The following SVOPL variants were observed in gnomAD, a reference collection of about 807,000 sequenced individuals.
SVOPL encodes the protein SVOP like.
Under a neutral mutation model 61.0 loss-of-function variants are expected in SVOPL, and 60 were observed. The ratio of observed to expected loss-of-function variants is 0.98; its 90% CI spans 0.80 to 1.22. The LOEUF is 1.22. SVOPL is among the 50% of genes most tolerant of loss of function. The pLI, the probability that SVOPL is intolerant of heterozygous loss-of-function variation, is 0.00. For missense variants in SVOPL, 662 were observed against 643.9 expected (o/e 1.03, Z -0.30); for synonymous variants, 279 against 250.0 (o/e 1.12, Z -1.09).
chr7:138,654,038 C>T (rs986622773), intron 7 of SVOPL, among the ~76,000 whole-genome samples: 4 of 150,880 alleles, frequency 2.7e-5, no homozygotes, highest in Admixed American at 1.3e-4. Context: ...GAGGCTGAGG[C>T]GTGAGAATCT....
At chr7:138,630,005 A>T (rs1294026290) in intron 10 of SVOPL, 44 bp downstream of exon 10, 14 of 1,524,044 alleles carry the variant, frequency 9.2e-6, no homozygotes, top group African/African-American at 1.4e-5. Context: ...GCTTCCTCCC[A>T]ATGCCTCTAT....
At chr7:138,671,912 A>ACTTAC (rs1802427806) in intron 4 of SVOPL, 107 bp downstream of exon 4, 3 of 959,690 alleles carry the variant, frequency 3.1e-6, no homozygotes, top group Non-Finnish European at 3.2e-6. Flanking sequence ...TTGGAAGCCA[A>ACTTAC]CAGTGGCAGT....
chr7:138,668,303 A>G (rs1252612563), intron 4 of SVOPL, among the ~76,000 whole-genome samples: 1 of 152,152 alleles, frequency 6.6e-6, no homozygotes, highest in African/African-American at 2.4e-5. Context: ...TTGAATAACA[A>G]TAAAACTCCA....
chr7:138,626,151 A>G (rs1157572999), intron 12 of SVOPL, 101 bp from the exon 13 acceptor site: 13 of 1,145,912 alleles, frequency 1.1e-5, no homozygotes, highest in African/African-American at 1.5e-5. Flanking sequence ...ATACAATCAC[A>G]GATAACTCAG....
chr7:138,681,364 A>T (rs1007851154), intron 1 of SVOPL, among the ~76,000 whole-genome samples: 1 of 149,464 alleles, frequency 6.7e-6, no homozygotes, highest in Non-Finnish European at 1.5e-5. Flanking sequence ...TTATTATATA[A>T]CATATATAAT....
intron 14 of SVOPL, among the ~76,000 whole-genome samples, chr7:138,603,856 TGTGACA>T (rs1391746620): frequency 6.6e-6 from 1 of 152,110 alleles, no homozygotes; most frequent in African/African-American, 2.4e-5. Context: ...CCTTTCTCCT[TGTGACA>T]GACTCCAGAA....
At chr7:138,670,479 C>A (rs1802387606) in intron 4 of SVOPL, among the ~76,000 whole-genome samples, 1 of 152,254 alleles carries the variant, frequency 6.6e-6, no homozygotes, top group East Asian at 1.9e-4. Flanking sequence ...GGGATGACTC[C>A]ACCCAGACCC....
At chr7:138,662,925 C>T in intron 5 of SVOPL, 149 bp downstream of exon 5, 1 of 1,474,348 alleles carries the variant, frequency 6.8e-7, no homozygotes, top group South Asian at 1.4e-5. Flanking sequence ...GAAGATAAGC[C>T]TGGAATGTTC....
intron 13 of SVOPL, among the ~76,000 whole-genome samples, chr7:138,622,402 C>T (rs1250432037): frequency 6.6e-6 from 1 of 152,176 alleles, no homozygotes; most frequent in East Asian, 1.9e-4. Context: ...TCAACCGATT[C>T]ACCTGCCTCA....
rs1801936047 is a variant in SVOPL, at chr7:138,660,048, C to T, written c.346-60G>A. On this transcript the variant is annotated intron_variant, in intron 5 of 15. Transcript: ENST00000674285. ...CCTCAATGCGGGGAGGGAAGAAGCC[C>T]TAACTTCTGAAGGCGATTTTCGGTT... is the stretch of plus-strand genomic sequence containing the variant. The T allele has an allele frequency of 3.9e-6, 6 of 1,539,630 alleles. No individual in the cohort carries two copies. The South Asian group carries it at 4.8e-5, about 12-fold the overall frequency.
intron 7 of SVOPL, among the ~76,000 whole-genome samples, chr7:138,652,205 C>T (rs1046370702): frequency 6.6e-6 from 1 of 152,084 alleles, no homozygotes; most frequent in Non-Finnish European, 1.5e-5. Context: ...GTGCCTGGCA[C>T]CACACCAAGC....
At chr7:138,615,418 G>A (rs777070716) in intron 14 of SVOPL, among the ~76,000 whole-genome samples, 9 of 152,024 alleles carry the variant, frequency 5.9e-5, no homozygotes, top group Admixed American at 2.6e-4. Flanking sequence ...TTAGCCGGGC[G>A]TGGTGGCGGG....
intron 14 of SVOPL, among the ~76,000 whole-genome samples, chr7:138,609,416 T>C (rs898615056): frequency 5.7e-5 from 8 of 139,276 alleles, no homozygotes; most frequent in African/African-American, 2.2e-4. Flanking sequence ...GGAGCCAAAG[T>C]GGGAGGATTG....
intron 2 of SVOPL, 78 bp downstream of exon 2, chr7:138,678,886 C>T (rs1296540519): frequency 2.8e-6 from 4 of 1,440,616 alleles, no homozygotes; most frequent in African/African-American, 1.4e-5. Context: ...TTTGACCTCA[C>T]CTTTTTGCAT....
chr7:138,617,692 C>T (rs915544986), intron 14 of SVOPL, among the ~76,000 whole-genome samples: 4 of 152,094 alleles, frequency 2.6e-5, no homozygotes, highest in African/African-American at 9.7e-5. Flanking sequence ...AAAAATTAGC[C>T]AGGCATGGTG....
At position 138,612,916 on chromosome 7, in the gene SVOPL, G is replaced by A. The variant is rs150703273; in HGVS notation, c.1353+8130C>T. Reference sequence around the variant, plus strand: ...AGAATTCTGAAATCTCCTCTTTCATGGCAATAATACATGGCAATGTGAACT... The same window carrying A: ...AGAATTCTGAAATCTCCTCTTTCATAGCAATAATACATGGCAATGTGAACT... On this transcript the variant is annotated intron_variant, in intron 14 of 15. Transcript: ENST00000674285. Among the ~76,000 whole-genome samples the A allele has an allele frequency of 9.9e-5, 15 of 152,232 alleles. No homozygotes were observed. In the East Asian group the frequency reaches 2.9e-3, roughly 29 times the overall value.
intron 5 of SVOPL, 55 bp downstream of exon 5, chr7:138,663,019 C>G: frequency 2.5e-6 from 4 of 1,612,168 alleles, no homozygotes; most frequent in Non-Finnish European, 3.4e-6. Context: ...ATAAGGTTGC[C>G]CCCAAAAGAA....
At chr7:138,635,443 G>A (rs1170134564) in intron 9 of SVOPL, among the ~76,000 whole-genome samples, 1 of 149,618 alleles carries the variant, frequency 6.7e-6, no homozygotes, top group Non-Finnish European at 1.5e-5. Flanking sequence ...TCACTATATT[G>A]CCCAGGCTGG....
rs547835506 is a variant in SVOPL at position 138,645,062 on chromosome 7, A to G, written c.661-217T>C. Among the ~76,000 whole-genome samples the G allele has an allele frequency of 2.5e-4, 38 of 152,280 alleles. 2 individuals carry two copies. The South Asian group carries it at 5.2e-3, about 21-fold the overall frequency. On this transcript the variant is annotated intron_variant, in intron 8 of 15. Transcript: ENST00000674285. ...CCTTATCATAGTCCCTTCCAGGATG[A>G]CGGCAGGCTGATACTCAGTTTTGCA... is the stretch of plus-strand genomic sequence containing the variant.
Sources: allele counts gnomAD v4.1 joint callset (sites outside exome capture counted in the v4.1 genomes callset), GRCh38; gene constraint gnomAD v4.1.1; transcripts MANE v1.5; gene names NCBI Gene and HGNC (gene_info 2026-07-23, HGNC 2026-07-21).